TRPM3: variants seen among roughly 807,000 people sequenced by gnomAD.
The protein encoded by TRPM3 is long transient receptor potential channel 3.
A neutral mutation model predicts 181.2 loss-of-function variants in TRPM3; 77 were observed. The ratio of observed to expected loss-of-function variants is 0.42; its 90% CI spans 0.35 to 0.51. The LOEUF is 0.51. TRPM3 is among the 20% of genes least tolerant of loss of function. TRPM3 has a pLI of 0.01. For missense variants in TRPM3, 1,759 were observed against 2,196.7 expected (o/e 0.80, Z 3.98); for synonymous variants, 745 against 796.4 (o/e 0.94, Z 1.09).
intron 1 of TRPM3, among the ~76,000 whole-genome samples, chr9:71,248,356 T>C (rs1343429197): frequency 6.6e-6 from 1 of 152,218 alleles, no homozygotes; most frequent in South Asian, 2.1e-4. Flanking sequence ...AGGTGGTTTC[T>C]TCTTCCTCTG....
rs529964143 is a variant in TRPM3 at position 71,228,781 on chromosome 9, T to C, written c.183+217872A>G. Among the ~76,000 whole-genome samples, 29 of 152,170 alleles carry C rather than the reference T, an allele frequency of 1.9e-4. No individual in the cohort carries two copies. In the South Asian group the frequency reaches 5.2e-3, roughly 27 times the overall value. On this transcript the variant is annotated intron_variant, in intron 1 of 24. Coordinates refer to the TRPM3 transcript ENST00000357533. ...CCAAAGAAGTAAAAGTTCTCTACAG[T>C]AAAAACTGTAAAACATTTGGTGAAA...
chr9:71,272,179 C>T (rs142950014), intron 1 of TRPM3, among the ~76,000 whole-genome samples: 151 of 152,088 alleles, frequency 9.9e-4, no homozygotes, highest in African/African-American at 3.6e-3. Context: ...AGAAAAGTGT[C>T]GTATTTTTTC....
intron 1 of TRPM3, among the ~76,000 whole-genome samples, chr9:70,985,079 G>A (rs1895064): frequency 1.3e-5 from 2 of 152,044 alleles, no homozygotes; most frequent in South Asian, 4.1e-4. Context: ...GAAAGTAAAA[G>A]AACATGAGAT....
intron 6 of TRPM3, among the ~76,000 whole-genome samples, chr9:70,821,266 A>G (rs1412621806): frequency 1.3e-5 from 2 of 152,236 alleles, no homozygotes; most frequent in Admixed American, 6.5e-5. Context: ...AGGAAATGAT[A>G]CGCTGTCTGG....
At chr9:71,111,712 T>G (rs1645684030) in intron 1 of TRPM3, among the ~76,000 whole-genome samples, 1 of 152,214 alleles carries the variant, frequency 6.6e-6, no homozygotes, top group East Asian at 1.9e-4. Context: ...CCTTTATTTG[T>G]GGACTAGCAC....
intron 9 of TRPM3, among the ~76,000 whole-genome samples, chr9:70,642,475 G>C (rs1171063580): frequency 6.6e-6 from 1 of 152,196 alleles, no homozygotes; most frequent in East Asian, 1.9e-4. Flanking sequence ...GTGGGGCAGG[G>C]TTCCTGGTCG....
At chr9:71,045,710 T>C (rs768249980) in intron 1 of TRPM3, among the ~76,000 whole-genome samples, 114 of 152,156 alleles carry the variant, frequency 7.5e-4, no homozygotes, top group Non-Finnish European at 9.3e-4. Flanking sequence ...GTAATGCAGA[T>C]TTGTTTTCAA....
At chr9:71,227,424 T>C (rs956276783) in intron 1 of TRPM3, among the ~76,000 whole-genome samples, 1 of 151,922 alleles carries the variant, frequency 6.6e-6, no homozygotes, top group African/African-American at 2.4e-5. Flanking sequence ...AACAACCTAA[T>C]GTTGCATTTT....
chr9:71,080,897 G>A (rs1430288667), intron 1 of TRPM3, among the ~76,000 whole-genome samples: 3 of 152,132 alleles, frequency 2.0e-5, no homozygotes, highest in African/African-American at 7.2e-5. Flanking sequence ...AAGCATGAAC[G>A]TCCTTAAGTC....
chr9:70,629,919 A>G (rs2065484429), intron 12 of TRPM3, among the ~76,000 whole-genome samples: 1 of 152,198 alleles, frequency 6.6e-6, no homozygotes. Context: ...CGGTTTTATA[A>G]CATGAATAAA....
chr9:71,088,933 T>G (rs898795661), intron 1 of TRPM3, among the ~76,000 whole-genome samples: 1 of 151,678 alleles, frequency 6.6e-6, no homozygotes, highest in African/African-American at 2.4e-5. Flanking sequence ...CTTGGGGTGG[T>G]GAGGAAAGAG....
At chr9:71,408,793 A>G (rs997709872) in intron 1 of TRPM3, among the ~76,000 whole-genome samples, 5 of 152,156 alleles carry the variant, frequency 3.3e-5, no homozygotes, top group African/African-American at 1.2e-4. Flanking sequence ...ACCCCAAGAC[A>G]TGTAATTGTC....
At chr9:70,626,084 T>G (rs2133295434) in intron 12 of TRPM3, among the ~76,000 whole-genome samples, 1 of 152,304 alleles carries the variant, frequency 6.6e-6, no homozygotes, top group African/African-American at 2.4e-5. Context: ...AGAGTAACAT[T>G]TCTTAAAGAT....
chr9:70,689,608 C>G (rs1345916448), intron 8 of TRPM3, among the ~76,000 whole-genome samples: 1 of 151,600 alleles, frequency 6.6e-6, no homozygotes, highest in Admixed American at 6.6e-5. Context: ...ACAGACGGAA[C>G]CAATAAGAGA....
intron 1 of TRPM3, among the ~76,000 whole-genome samples, chr9:71,095,501 G>C (rs570917412): frequency 7.6e-4 from 115 of 152,240 alleles, no homozygotes; most frequent in African/African-American, 2.7e-3. Context: ...GCTTACGCCT[G>C]TAATCCCAGC....
intron 1 of TRPM3, among the ~76,000 whole-genome samples, chr9:71,001,536 C>T (rs2097601399): frequency 6.6e-6 from 1 of 152,210 alleles, no homozygotes; most frequent in South Asian, 2.1e-4. Flanking sequence ...ATTACCTATG[C>T]AGGCCTTGGT....
At chr9:71,212,851 C>G (rs1430489937) in intron 1 of TRPM3, among the ~76,000 whole-genome samples, 2 of 150,972 alleles carry the variant, frequency 1.3e-5, no homozygotes, top group African/African-American at 4.9e-5. Context: ...GCCAGCTTTA[C>G]TATGTATGTA....
At chr9:71,190,275 C>G (rs1319406695) in intron 1 of TRPM3, among the ~76,000 whole-genome samples, 1 of 151,832 alleles carries the variant, frequency 6.6e-6, no homozygotes, top group Non-Finnish European at 1.5e-5. Context: ...AACAATTCTA[C>G]TGAACAAAGC....
chr9:70,908,917 G>T (rs1055272360), intron 1 of TRPM3, among the ~76,000 whole-genome samples: 13 of 152,160 alleles, frequency 8.5e-5, no homozygotes, highest in African/African-American at 3.1e-4. Flanking sequence ...ATTCACATAG[G>T]AAAACAACAA....
Sources: allele counts gnomAD v4.1 joint callset (sites outside exome capture counted in the v4.1 genomes callset), GRCh38; gene constraint gnomAD v4.1.1; transcripts MANE v1.5; gene names NCBI Gene and HGNC (gene_info 2026-07-23, HGNC 2026-07-21).